INSC: variants seen among roughly 807,000 people sequenced by gnomAD.
The protein encoded by INSC is INSC spindle orientation adaptor protein, also known as protein inscuteable homolog.
Under a neutral mutation model 58.6 loss-of-function variants are expected in INSC, and 67 were observed. The observed-to-expected ratio is 1.14, with a 90% CI of 0.94 to 1.40. The LOEUF is 1.40. INSC is among the 40% of genes most tolerant of loss of function. The probability of loss-of-function intolerance (pLI) is 0.00; values close to 1 mark genes in which losing one functional copy is unlikely to be tolerated. For synonymous variants in INSC, 262 were observed against 276.1 expected, an observed-to-expected ratio of 0.95 and a Z score of 0.51; for missense variants, 714 against 692.0, an observed-to-expected ratio of 1.03 and a Z score of -0.36.
At chr11:15,121,175 A>G (rs1436958540) in intron 1 of INSC, among the ~76,000 whole-genome samples, 1 of 152,150 alleles carries the variant, frequency 6.6e-6, no homozygotes. Context: ...ATCTCTTACC[A>G]CAGTGCAATT....
At chr11:15,258,724 C>CT in the INSC span, among the ~76,000 whole-genome samples, 2 of 152,162 alleles carry the variant, frequency 1.3e-5, no homozygotes, top group Non-Finnish European at 2.9e-5. Flanking sequence ...CAATAGGCCC[C>CT]TTTAGGGACT....
chr11:15,167,060 A>G (rs1849222984), intron 2 of INSC, among the ~76,000 whole-genome samples: 1 of 151,706 alleles, frequency 6.6e-6, no homozygotes, highest in Non-Finnish European at 1.5e-5. Context: ...TTTATTTTTT[A>G]TTTCACTGTG....
intron 2 of INSC, among the ~76,000 whole-genome samples, chr11:15,160,389 A>G (rs945317645): frequency 1.3e-5 from 2 of 152,166 alleles, no homozygotes; most frequent in Non-Finnish European, 2.9e-5. Context: ...GGTTGGAAAT[A>G]AGGGGGCAAT....
At chr11:15,230,014 ATATATATATATATATATATATATAT>A (rs1851858073) in intron 9 of INSC, among the ~76,000 whole-genome samples, 7 of 9,302 alleles carry the variant, frequency 7.5e-4, no homozygotes, top group Non-Finnish European at 1.3e-3. Context: ...TATATATATA[ATATATATATATATATATATATATAT>A]AAAAGCCAGG....
Position 15,149,187 on chromosome 11 carries a change from C to G in INSC, c.13C>G (p.Pro5Ala). Reference protein sequence around the residue: MMALPGGRHLDSVTL... With the variant: MMALAGGRHLDSVTL... ...GATTGGGATCAACATGATGGCACTG[C>G]CTGGAGGTCGCCACCTGGACTCCGT... The change falls in exon 2 of 13, where the codon CCT becomes GCT. Residue 5 changes from proline (P) to alanine (A), a missense_variant. Pro to Ala is a conservative substitution (Grantham distance 27, BLOSUM62 -1). Coordinates refer to ENST00000379556, the MANE Select transcript of INSC (RefSeq NM_001042536.3). 2 of 1,610,840 alleles carry G rather than the reference C, an allele frequency of 1.2e-6. No individual in the cohort carries two copies. The highest frequency in any genetic ancestry group is 1.7e-6 in the Non-Finnish European group (2 of 1,178,700).
At chr11:15,146,881 C>T (rs770816694) in intron 1 of INSC, among the ~76,000 whole-genome samples, 2 of 152,126 alleles carry the variant, frequency 1.3e-5, no homozygotes, top group Non-Finnish European at 2.9e-5. Context: ...TCAGAGATGA[C>T]TTGAATCAGA....
At chr11:15,118,301 T>C (rs1432698709) in intron 1 of INSC, among the ~76,000 whole-genome samples, 3 of 152,182 alleles carry the variant, frequency 2.0e-5, no homozygotes, top group African/African-American at 7.2e-5. Context: ...CAGGGCAGGG[T>C]TCTAGCCACA....
At chr11:15,213,289 A>G (rs1467317112) in intron 7 of INSC, among the ~76,000 whole-genome samples, 3 of 152,206 alleles carry the variant, frequency 2.0e-5, no homozygotes, top group Non-Finnish European at 2.9e-5. Flanking sequence ...TAAAACCCTA[A>G]TGATACCAAG....
chr11:15,236,992 T>TTGAAG (rs1337396398), intron 10 of INSC, among the ~76,000 whole-genome samples: 5 of 152,216 alleles, frequency 3.3e-5, no homozygotes, highest in African/African-American at 1.2e-4. Flanking sequence ...GAGCCTTACG[T>TTGAAG]TGAAGTGTTC....
chr11:15,156,663 G>A (rs191525424), intron 2 of INSC, among the ~76,000 whole-genome samples: 47 of 152,316 alleles, frequency 3.1e-4, no homozygotes, highest in African/African-American at 1.1e-3. Flanking sequence ...GTTATGTAAT[G>A]CCGCTAGGCC....
At chr11:15,267,147 C>T in the INSC span, among the ~76,000 whole-genome samples, 1 of 151,796 alleles carries the variant, frequency 6.6e-6, no homozygotes, top group African/African-American at 2.4e-5. Context: ...TTTTGTCCAC[C>T]ATTCCTCTAG....
intron 2 of INSC, among the ~76,000 whole-genome samples, chr11:15,167,705 A>G (rs377380274): frequency 1.2e-3 from 188 of 151,976 alleles, no homozygotes; most frequent in African/African-American, 4.4e-3. Flanking sequence ...GTTGGTCTCA[A>G]ACTCCTAGTT....
At chr11:15,257,186 G>A in the INSC span, among the ~76,000 whole-genome samples, 1 of 152,134 alleles carries the variant, frequency 6.6e-6, no homozygotes, top group South Asian at 2.1e-4. Context: ...ATAACAGAGA[G>A]CTCATTTAAT....
At chr11:15,236,158 ATTTG>A (rs1420233206) in intron 10 of INSC, among the ~76,000 whole-genome samples, 1 of 151,452 alleles carries the variant, frequency 6.6e-6, no homozygotes, top group Non-Finnish European at 1.5e-5. Context: ...ATATGTGAAT[ATTTG>A]TTTGCTTTTG....
At chr11:15,192,472 A>G (rs979818372) in intron 6 of INSC, among the ~76,000 whole-genome samples, 40 of 152,166 alleles carry the variant, frequency 2.6e-4, no homozygotes, top group African/African-American at 9.4e-4. Flanking sequence ...CACTTACCAT[A>G]TTCTATTTTG....
rs189768910 is a variant in INSC, at chr11:15,170,925, T to C, written c.57-4816T>C. ...CAGGGCTTGAAGAAATCAATAGTTCTGTCACTCCAATTCTCCTACTAGCAG... is the reference window on the plus strand; with the variant it reads ...CAGGGCTTGAAGAAATCAATAGTTCCGTCACTCCAATTCTCCTACTAGCAG... On this transcript the variant is annotated intron_variant, in intron 2 of 12. Coordinates refer to ENST00000379556, the MANE Select transcript of INSC (RefSeq NM_001042536.3). Among the ~76,000 whole-genome samples the C allele has an allele frequency of 6.9e-4, 105 of 152,360 alleles. 1 individual carries two copies. In the Middle Eastern group the frequency reaches 0.017, roughly 25 times the overall value.
intron 1 of INSC, among the ~76,000 whole-genome samples, chr11:15,125,892 C>G (rs563589905): frequency 2.2e-4 from 33 of 152,252 alleles, no homozygotes; most frequent in African/African-American, 7.7e-4. Context: ...TCAGAGTAAG[C>G]TTCTGGGTGG....
At chr11:15,179,411 C>T (rs1222324300) in intron 5 of INSC, among the ~76,000 whole-genome samples, 2 of 152,222 alleles carry the variant, frequency 1.3e-5, no homozygotes, top group East Asian at 3.8e-4. Context: ...AAGCCTACCA[C>T]AAATAACAAA....
chr11:15,134,044 C>A (rs572706001), intron 1 of INSC, among the ~76,000 whole-genome samples: 8 of 152,070 alleles, frequency 5.3e-5, no homozygotes, highest in African/African-American at 1.9e-4. Context: ...CCTCATCCAG[C>A]ATGTTAGCTG....
Sources: allele counts gnomAD v4.1 joint callset (sites outside exome capture counted in the v4.1 genomes callset), GRCh38; gene constraint gnomAD v4.1.1; transcripts MANE v1.5; gene names NCBI Gene and HGNC (gene_info 2026-07-23, HGNC 2026-07-21).